Variants in DPY19L3 observed in about 807,000 individuals in gnomAD.
DPY19L3 encodes dpy-19 like C-mannosyltransferase 3, also known as protein C-mannosyl-transferase DPY19L3.
Under a neutral mutation model 92.3 loss-of-function variants are expected in DPY19L3, and 51 were observed. The ratio of observed to expected loss-of-function variants is 0.55; its 90% CI spans 0.44 to 0.70. DPY19L3 has a LOEUF of 0.70. Among genes scored for constraint, DPY19L3 ranks in the 30% least tolerant of loss-of-function variants. The pLI, the probability that DPY19L3 is intolerant of heterozygous loss-of-function variation, is 0.00. For missense variants in DPY19L3, 706 were observed against 855.9 expected (o/e 0.82, Z 2.18); for synonymous variants, 309 against 315.2 (o/e 0.98, Z 0.21).
intron 2 of DPY19L3, 92 bp from the exon 3 acceptor site, chr19:32,411,147 T>C: frequency 7.3e-7 from 1 of 1,369,740 alleles, no homozygotes. Context: ...GACAGGCAGC[T>C]AGACTTAGCT....
rs915904076 is a variant in DPY19L3, at chr19:32,428,830, TTGTTTTTTTTC to T, written c.238-3884_238-3874del. On this transcript the variant is annotated intron_variant, in intron 3 of 18. Coordinates refer to ENST00000392250, the MANE Select transcript of DPY19L3 (RefSeq NM_001172774.2). ...TGGTTTTAGCTGTACAGTTTTTTTT[TTGTTTTTTTTC>T]TTGTTGTTGTTGTTTGTTTGTTTTG... is the stretch of plus-strand genomic sequence containing the variant. 1.6e-4 allele frequency among the ~76,000 whole-genome samples: 24 copies of T among 149,760 alleles called. No individual in the cohort carries two copies. The East Asian group carries it at 4.0e-3, about 25-fold the overall frequency.
In DPY19L3 at chr19:32,439,144, C is replaced by A. The variant is rs1425697291; in HGVS notation, c.629C>A (p.Pro210Gln). The change falls in exon 7 of 19, where the codon CCA (proline) becomes CAA (glutamine). Residue 210 changes from proline (P) to glutamine (Q), a missense_variant. Physicochemically the swap from Pro to Gln is moderately conservative, Grantham distance 76. Coordinates refer to ENST00000392250, the MANE Select transcript of DPY19L3 (RefSeq NM_001172774.2). ...IDTTRVEFTI[P>Q]LRENWALPFF... ...ACCACAAGAGTTGAGTTTACCATCC[C>A]ACTGAGGGAGAACTGGGCGCTGCCA... The A allele has an allele frequency of 6.2e-7, 1 of 1,613,256 alleles. No homozygotes were observed. Among genetic ancestry groups the A allele is most frequent in the Non-Finnish European group, 8.5e-7 (1 of 1,179,488 alleles).
At chr19:32,467,126 C>T (rs534697069) in intron 15 of DPY19L3, among the ~76,000 whole-genome samples, 117 of 152,140 alleles carry the variant, frequency 7.7e-4, no homozygotes, top group Non-Finnish European at 1.4e-3. Context: ...AAAATTAGGA[C>T]GTTGGTCTTG....
At chr19:32,460,059 T>C (rs571909306) in intron 12 of DPY19L3, among the ~76,000 whole-genome samples, 1 of 152,148 alleles carries the variant, frequency 6.6e-6, no homozygotes, top group Admixed American at 6.6e-5. Flanking sequence ...TAGGCAGTTG[T>C]AACACAATGG....
chr19:32,452,318 C>T (rs1245798169), intron 8 of DPY19L3, among the ~76,000 whole-genome samples: 1 of 152,172 alleles, frequency 6.6e-6, no homozygotes, highest in Non-Finnish European at 1.5e-5. Flanking sequence ...TACTGTGCTG[C>T]CTGCTATGAA....
At chr19:32,439,718 CT>C in intron 7 of DPY19L3, 57 bp from the exon 8 acceptor site, 1 of 1,570,150 alleles carries the variant, frequency 6.4e-7, no homozygotes, top group South Asian at 1.2e-5. Flanking sequence ...GAAAACTTGT[CT>C]GCAAGGTTTT....
intron 16 of DPY19L3, among the ~76,000 whole-genome samples, chr19:32,476,528 CAAA>C (rs71176126): frequency 3.2e-5 from 3 of 93,276 alleles, no homozygotes; most frequent in Non-Finnish European, 6.6e-5. Context: ...CTCAGGTTTC[CAAA>C]AAAAAAAAAA....
intron 3 of DPY19L3, among the ~76,000 whole-genome samples, 153 bp from the exon 4 acceptor site, chr19:32,432,563 C>T (rs1446332151): frequency 6.6e-6 from 1 of 152,106 alleles, no homozygotes. Context: ...TAACAGTGAT[C>T]AGCCTTCCAT....
At chr19:32,413,889 C>G (rs1200495322) in intron 3 of DPY19L3, among the ~76,000 whole-genome samples, 1 of 151,990 alleles carries the variant, frequency 6.6e-6, no homozygotes, top group Non-Finnish European at 1.5e-5. Context: ...CTGTTCCCAG[C>G]TAATTATTTA....
At chr19:32,426,315 C>G (rs1239157469) in intron 3 of DPY19L3, among the ~76,000 whole-genome samples, 1 of 152,188 alleles carries the variant, frequency 6.6e-6, no homozygotes, top group Admixed American at 6.5e-5. Context: ...AGACTTTCCC[C>G]GTATCAGCAA....
intron 8 of DPY19L3, among the ~76,000 whole-genome samples, chr19:32,447,966 A>C (rs577606512): frequency 9.9e-4 from 151 of 152,260 alleles, no homozygotes; most frequent in Non-Finnish European, 1.2e-3. Flanking sequence ...TGATCTCAGG[A>C]AGAGTGGGAG....
chr19:32,473,134 T>A (rs1464805042), intron 16 of DPY19L3, among the ~76,000 whole-genome samples: 4 of 152,238 alleles, frequency 2.6e-5, no homozygotes, highest in Non-Finnish European at 5.9e-5. Flanking sequence ...TAAATGAGAT[T>A]ATTTGTTCAA....
At chr19:32,430,013 C>A (rs1319505650) in intron 3 of DPY19L3, among the ~76,000 whole-genome samples, 2 of 152,144 alleles carry the variant, frequency 1.3e-5, no homozygotes, top group Non-Finnish European at 2.9e-5. Context: ...ATGAAAGATA[C>A]AACACAAATC....
At chr19:32,445,086 AAAAAAAC>A (rs1969445390) in intron 8 of DPY19L3, among the ~76,000 whole-genome samples, 2 of 151,422 alleles carry the variant, frequency 1.3e-5, no homozygotes, top group Admixed American at 6.6e-5. Flanking sequence ...AAAAAAAAAA[AAAAAAAC>A]AAAAAACAAT....
chr19:32,469,637 C>T (rs567382213), intron 16 of DPY19L3, among the ~76,000 whole-genome samples: 2 of 152,164 alleles, frequency 1.3e-5, no homozygotes, highest in East Asian at 3.9e-4. Flanking sequence ...AGCCTAGGAC[C>T]AGAGAAAATT....
intron 16 of DPY19L3, among the ~76,000 whole-genome samples, chr19:32,470,117 G>C (rs894360517): frequency 1.3e-5 from 2 of 152,192 alleles, no homozygotes; most frequent in Non-Finnish European, 2.9e-5. Flanking sequence ...TCCTAATGTC[G>C]GACTGGGTTT....
At chr19:32,481,841 G>A in intron 18 of DPY19L3, 1 of 475,228 alleles carries the variant, frequency 2.1e-6, no homozygotes, top group South Asian at 3.3e-5. Flanking sequence ...TCTAGTTCTG[G>A]CTTTCCCGTT....
chr19:32,428,048 T>G (rs1210868864), intron 3 of DPY19L3: 2 of 146,394 alleles, frequency 1.4e-5, no homozygotes, highest in Admixed American at 7.2e-5. Context: ...CTCAGCTGAC[T>G]GCAACTTCCA....
At chr19:32,430,686 G>A (rs1968931240) in intron 3 of DPY19L3, among the ~76,000 whole-genome samples, 2 of 151,850 alleles carry the variant, frequency 1.3e-5, no homozygotes, top group South Asian at 4.2e-4. Flanking sequence ...CTTGATCATG[G>A]CTCACAGCAG....
Sources: allele counts gnomAD v4.1 joint callset (sites outside exome capture counted in the v4.1 genomes callset), GRCh38; gene constraint gnomAD v4.1.1; transcripts MANE v1.5; gene names NCBI Gene and HGNC (gene_info 2026-07-23, HGNC 2026-07-21).